The following TNRC6A variants were observed in gnomAD, a reference collection of about 807,000 sequenced individuals.
The protein encoded by TNRC6A is trinucleotide repeat-containing gene 6A protein.
Under a neutral mutation model 221.2 loss-of-function variants are expected in TNRC6A, and 44 were observed. That is an observed-to-expected ratio of 0.20 (90% CI 0.16 to 0.26). TNRC6A has a LOEUF of 0.26. Among genes scored for constraint, TNRC6A ranks in the 10% least tolerant of loss-of-function variants. The pLI is 1.00. For synonymous variants in TNRC6A, 847 were observed against 838.5 expected, an observed-to-expected ratio of 1.01 and a Z score of -0.18; for missense variants, 2,199 against 2,404.4, an observed-to-expected ratio of 0.91 and a Z score of 1.79.
chr16:24,793,243 G>A, intron 6 of TNRC6A: 2 of 323,178 alleles, frequency 6.2e-6, no homozygotes, highest in Non-Finnish European at 1.1e-5. Flanking sequence ...TAGGTCTAGA[G>A]GGTAATTATG....
chr16:24,717,776 T>C (rs890754894), intron 2 of TNRC6A, among the ~76,000 whole-genome samples: 2 of 146,690 alleles, frequency 1.4e-5, no homozygotes, highest in African/African-American at 2.5e-5. Context: ...TTTTCTTTTT[T>C]TTTTTTTTTT....
At chr16:24,631,722 A>G (rs1229483646) in intron 1 of TNRC6A, among the ~76,000 whole-genome samples, 1 of 151,878 alleles carries the variant, frequency 6.6e-6, no homozygotes, top group East Asian at 1.9e-4. Context: ...CAGTGAGCCA[A>G]GATTGTGCCA....
intron 5 of TNRC6A, among the ~76,000 whole-genome samples, chr16:24,782,280 C>G (rs1324184006): frequency 6.6e-6 from 1 of 152,220 alleles, no homozygotes; most frequent in African/African-American, 2.4e-5. Flanking sequence ...CACCCCATCT[C>G]TCAAACCGGA....
At chr16:24,795,832 T>G in intron 8 of TNRC6A, 75 bp from the exon 9 acceptor site, 1 of 1,418,036 alleles carries the variant, frequency 7.1e-7, no homozygotes, top group Non-Finnish European at 9.5e-7. Flanking sequence ...GGACTTAAGT[T>G]TAGGTCTTCC....
At chr16:24,666,639 GAAAAAAAAAA>G (rs1164353374) in intron 2 of TNRC6A, among the ~76,000 whole-genome samples, 135 of 31,478 alleles carry the variant, frequency 4.3e-3, no homozygotes, top group African/African-American at 0.014. Context: ...CTGTCTTAGA[GAAAAAAAAAA>G]AAAAAAAAAA....
At chr16:24,649,614 A>G (rs937790179) in intron 2 of TNRC6A, among the ~76,000 whole-genome samples, 3 of 151,864 alleles carry the variant, frequency 2.0e-5, no homozygotes, top group African/African-American at 4.8e-5. Context: ...CAGCCCTCAC[A>G]TACTTCTTTG....
At chr16:24,756,265 G>A (rs779581543) in intron 3 of TNRC6A, among the ~76,000 whole-genome samples, 5 of 152,194 alleles carry the variant, frequency 3.3e-5, no homozygotes, top group Non-Finnish European at 7.4e-5. Context: ...GTAGCCACAT[G>A]TGGCAAGTGG....
At chr16:24,696,077 G>C (rs545236277) in intron 2 of TNRC6A, among the ~76,000 whole-genome samples, 1 of 152,154 alleles carries the variant, frequency 6.6e-6, no homozygotes, top group Non-Finnish European at 1.5e-5. Flanking sequence ...GGCCGAGAGC[G>C]GTGGCTCGCC....
chr16:24,732,677 T>C (rs1443156637), intron 2 of TNRC6A, among the ~76,000 whole-genome samples: 3 of 152,208 alleles, frequency 2.0e-5, no homozygotes, highest in Non-Finnish European at 4.4e-5. Flanking sequence ...ATCAGTTTTT[T>C]CATCTGGGCA....
At chr16:24,636,372 AT>A (rs34517197) in intron 1 of TNRC6A, among the ~76,000 whole-genome samples, 74,776 of 140,062 alleles carry the variant, frequency 0.53, 19,700 homozygotes, top group African/African-American at 0.65. Context: ...GGACTTTGTG[AT>A]TTTTTTTTTT....
intron 2 of TNRC6A, among the ~76,000 whole-genome samples, chr16:24,659,790 A>G (rs2054991304): frequency 6.6e-6 from 1 of 152,068 alleles, no homozygotes; most frequent in Non-Finnish European, 1.5e-5. Flanking sequence ...CTCTTTCTCC[A>G]TTTTGAATTT....
At position 24,790,416 on chromosome 16, in the gene TNRC6A, G is replaced by A. The variant is rs6497759; in HGVS notation, c.1774G>A (p.Ala592Thr). The A allele has an allele frequency of 0.19, 298,695 of 1,614,040 alleles. 28,277 individuals are homozygous for A. The highest frequency in any genetic ancestry group is 0.2 in the Non-Finnish European group (230,186 of 1,180,010). ...TACATCATGGGGAAGTGGAAATGGC[G>A]CAAATTCTGGAGGAAGTCGAAGAGG... ...QSTSWGSGNG[A>T]NSGGSRRGWG... is the part of the protein sequence containing the mutation. Residue 592 changes from alanine (A) to threonine (T), a missense_variant, in exon 6 of 25, where the codon GCA becomes ACA. Coordinates refer to ENST00000395799, the MANE Select transcript of TNRC6A (RefSeq NM_014494.4).
At chr16:24,780,852 G>A (rs2057826178) in intron 5 of TNRC6A, among the ~76,000 whole-genome samples, 1 of 151,666 alleles carries the variant, frequency 6.6e-6, no homozygotes. Context: ...TAAAGTTTCT[G>A]GAGATATTTA....
intron 1 of TNRC6A, among the ~76,000 whole-genome samples, chr16:24,635,255 A>G (rs540418467): frequency 1.4e-5 from 2 of 145,940 alleles, no homozygotes; most frequent in South Asian, 2.1e-4. Flanking sequence ...CTTCTTATTC[A>G]TAAGATTCTG....
At chr16:24,678,401 T>G (rs1369131432) in intron 2 of TNRC6A, among the ~76,000 whole-genome samples, 1 of 152,146 alleles carries the variant, frequency 6.6e-6, no homozygotes. Context: ...TGCATGTCTT[T>G]GCTTCCTTGT....
chr16:24,644,174 C>A (rs1902152507), intron 2 of TNRC6A, among the ~76,000 whole-genome samples: 1 of 143,220 alleles, frequency 7.0e-6, no homozygotes, highest in Non-Finnish European at 1.5e-5. Flanking sequence ...GCAAGCTCTG[C>A]CTTCCGGATT....
intron 1 of TNRC6A, among the ~76,000 whole-genome samples, chr16:24,620,017 C>G (rs1234115547): frequency 6.6e-6 from 1 of 152,118 alleles, no homozygotes; most frequent in South Asian, 2.1e-4. Flanking sequence ...TGGTGCATAC[C>G]TGTAGTGCCA....
intron 1 of TNRC6A, among the ~76,000 whole-genome samples, chr16:24,636,299 A>G (rs542391689): frequency 2.8e-4 from 42 of 152,222 alleles, no homozygotes; most frequent in African/African-American, 7.9e-4. Context: ...CTAAGTGCCT[A>G]TGATAAGCCA....
intron 2 of TNRC6A, among the ~76,000 whole-genome samples, chr16:24,675,815 G>A (rs1322236346): frequency 6.7e-6 from 1 of 148,888 alleles, no homozygotes; most frequent in Admixed American, 6.8e-5. Context: ...CCCACATAGG[G>A]TCTAGGAATT....
Sources: gnomAD v4.1 joint callset for allele counts (sites outside exome capture counted in the v4.1 genomes callset) on GRCh38, gnomAD v4.1.1 for gene constraint, MANE v1.5 for transcripts, NCBI Gene and HGNC (gene_info 2026-07-23, HGNC 2026-07-21) for gene names.